OSBPL3: variants seen among roughly 807,000 people sequenced by gnomAD.
OSBPL3 encodes oxysterol binding protein like 3.
A neutral mutation model predicts 120.1 loss-of-function variants in OSBPL3; 65 were observed. That is an observed-to-expected ratio of 0.54 (90% CI 0.44 to 0.67). The LOEUF (loss-of-function observed/expected upper bound fraction) is 0.67, where lower values mean the gene tolerates loss of function less well. OSBPL3 is among the 30% of genes least tolerant of loss of function. The probability of loss-of-function intolerance (pLI) is 0.00; values close to 1 mark genes in which losing one functional copy is unlikely to be tolerated. For synonymous variants in OSBPL3, 416 were observed against 402.6 expected (o/e 1.03, Z -0.40); for missense variants, 1,004 against 1,082.1 (o/e 0.93, Z 1.01).
intron 20 of OSBPL3, among the ~76,000 whole-genome samples, chr7:24,807,121 G>A (rs1793151474): frequency 6.6e-6 from 1 of 152,176 alleles, no homozygotes; most frequent in Non-Finnish European, 1.5e-5. Context: ...GGCCTCCTAT[G>A]TGTGGTCAGA....
In OSBPL3 at chr7:24,882,760, T is replaced by C. The variant is rs77456222; in HGVS notation, c.96+9617A>G. 1.4e-4 allele frequency among the ~76,000 whole-genome samples: 22 copies of C among 152,322 alleles called. No individual in the cohort carries two copies. The East Asian group carries it at 3.9e-3, about 27-fold the overall frequency. The stretch of plus-strand genomic sequence containing the variant: ...CAACATGTTGTTGTCTTTGTATTAA[T>C]AGTCATTTGACTTATATAAGATGAT... On this transcript the variant is annotated intron_variant, in intron 2 of 22. Transcript: ENST00000313367.
chr7:24,881,334 C>T lies in OSBPL3; in HGVS notation c.97-9265G>A, dbSNP rs1803654275. Among the ~76,000 whole-genome samples, 1 of 152,110 alleles carries T rather than the reference C, an allele frequency of 6.6e-6. No homozygotes were observed. Among genetic ancestry groups the T allele is most frequent in the African/African-American group, 2.4e-5 (1 of 41,384 alleles). Reference sequence around the variant, plus strand: ...AATGTTAAGATCTCAGAGAACTTTACAAATCAAAGAAGGAATGACTTTAGT... The same window carrying T: ...AATGTTAAGATCTCAGAGAACTTTATAAATCAAAGAAGGAATGACTTTAGT... On this transcript the variant is annotated intron_variant, in intron 2 of 22. Transcript: ENST00000313367. This position sits in a 1 kb window ranked among gnomAD's most constrained non-coding sequence, Gnocchi z 4.3.
At chr7:24,975,663 C>T (rs1478535179) in intron 1 of OSBPL3, among the ~76,000 whole-genome samples, 2 of 152,070 alleles carry the variant, frequency 1.3e-5, no homozygotes, top group Non-Finnish European at 2.9e-5. Context: ...AGTTTGAATA[C>T]ATTACTAGCA....
chr7:24,979,289 C>CAA (rs34525401), intron 1 of OSBPL3, among the ~76,000 whole-genome samples: 32,922 of 147,998 alleles, frequency 0.22, 3,858 homozygotes, highest in East Asian at 0.44. Context: ...TGGAAACTAA[C>CAA]AAAAAAAAAA....
At chr7:24,924,672 C>T (rs1810823680) in intron 1 of OSBPL3, among the ~76,000 whole-genome samples, 1 of 152,208 alleles carries the variant, frequency 6.6e-6, no homozygotes, top group Admixed American at 6.5e-5. Context: ...CTTTCTGAGA[C>T]AGCCAATTCC....
Position 24,804,524 on chromosome 7 carries a change from C to T in OSBPL3, c.2445-87G>A, listed in dbSNP as rs1372879464. The T allele has an allele frequency of 2.3e-6, 3 of 1,299,026 alleles. No homozygotes were observed. The highest frequency in any genetic ancestry group is 3.2e-6 in the Non-Finnish European group (3 of 930,574). 80.5% of individuals were successfully genotyped at this position (1,299,026 alleles called of 1,614,324 possible). A position where few individuals can be genotyped will look rare whatever the true frequency, so the allele number is the denominator to read the frequency against. On this transcript the variant is annotated intron_variant, in intron 21 of 22. Coordinates refer to ENST00000313367, the MANE Select transcript of OSBPL3 (RefSeq NM_015550.4). The surrounding 1 kb of genome is among the most constrained non-coding windows in gnomAD (Gnocchi z 5.4). ...CTACTCAACTTGCATGTGTCCACGA[C>T]TGGATATTCAAAATCCTCTCCTATA...
At chr7:24,884,892 C>T (rs1389132006) in intron 2 of OSBPL3, among the ~76,000 whole-genome samples, 1 of 152,144 alleles carries the variant, frequency 6.6e-6, no homozygotes, top group Non-Finnish European at 1.5e-5. Flanking sequence ...TCCTCCTTGA[C>T]TGGACTTTCT....
chr7:24,851,109 AG>A lies in OSBPL3; in HGVS notation c.1158+1394del, dbSNP rs1272160905. 6.6e-6 allele frequency among the ~76,000 whole-genome samples: 1 copy of A among 152,190 alleles called. No individual in the cohort carries two copies. ...GCAGGGAGAGGAAGATCATGGGGAG[AG>A]GGACCTTGGAAGCCCATCAGAGATA... On this transcript the variant is annotated intron_variant, in intron 11 of 22. Coordinates refer to ENST00000313367, the MANE Select transcript of OSBPL3 (RefSeq NM_015550.4). The surrounding 1 kb of genome is among the most constrained non-coding windows in gnomAD (Gnocchi z 4.1).
At position 24,806,018 on chromosome 7, in the gene OSBPL3, G is replaced by A. The variant is rs562061436; in HGVS notation, c.2444+758C>T. 8.5e-5 allele frequency among the ~76,000 whole-genome samples: 13 copies of A among 152,306 alleles called. No individual in the cohort carries two copies. Among genetic ancestry groups the A allele is most frequent in the East Asian group, 1.9e-4 (1 of 5,184 alleles). On this transcript the variant is annotated intron_variant, in intron 21 of 22. Coordinates refer to ENST00000313367, the MANE Select transcript of OSBPL3 (RefSeq NM_015550.4). This position sits in a 1 kb window ranked among gnomAD's most constrained non-coding sequence, Gnocchi z 5.2. Reference sequence around the variant, plus strand: ...GACACTCAGGCTGGAGAGCAATGGCGTGGTCTCGGCTCACTGCAACCTCCT... The same window carrying A: ...GACACTCAGGCTGGAGAGCAATGGCATGGTCTCGGCTCACTGCAACCTCCT...
chr7:24,809,578 G>A (rs1405519262), intron 20 of OSBPL3, among the ~76,000 whole-genome samples: 6 of 152,102 alleles, frequency 3.9e-5, no homozygotes, highest in African/African-American at 1.4e-4. Flanking sequence ...TGCTTGTTCT[G>A]GGGTTAAGAA....
At chr7:24,876,926 A>G (rs982524427) in intron 2 of OSBPL3, among the ~76,000 whole-genome samples, 2 of 152,332 alleles carry the variant, frequency 1.3e-5, no homozygotes, top group African/African-American at 4.8e-5. Context: ...AGCATCTTCT[A>G]TATGTCAGAT....
rs1459034086 is a variant in OSBPL3 at position 24,896,079 on chromosome 7, C to T, written c.-149-3458G>A. On this transcript the variant is annotated intron_variant, in intron 1 of 22. Transcript: ENST00000313367. This position sits in a 1 kb window ranked among gnomAD's most constrained non-coding sequence, Gnocchi z 4.4. ...ATGCCTTAAGGATGGAGAGCTAGGA[C>T]TTGCCCCAGCTTACAGGAACAGGTT... Among the ~76,000 whole-genome samples the T allele has an allele frequency of 1.3e-5, 2 of 152,212 alleles. No homozygotes were observed. Among genetic ancestry groups the T allele is most frequent in the Non-Finnish European group, 2.9e-5 (2 of 68,038 alleles).
chr7:24,830,243 C>T lies in OSBPL3; in HGVS notation c.1884+525G>A, dbSNP rs1022549185. On this transcript the variant is annotated intron_variant, in intron 16 of 22. Transcript: ENST00000313367. The surrounding 1 kb of genome is among the most constrained non-coding windows in gnomAD (Gnocchi z 4.4). The stretch of plus-strand genomic sequence containing the variant: ...ACTCCTGTCCGGACCCCTCACCCCC[C>T]ACCCCACTGCAATATCCTAGCACCT... Among the ~76,000 whole-genome samples, 1 of 152,208 alleles carries T rather than the reference C, an allele frequency of 6.6e-6. No individual in the cohort carries two copies. The highest frequency in any genetic ancestry group is 1.5e-5 in the Non-Finnish European group (1 of 68,036).
Position 24,940,913 on chromosome 7 carries a change from G to A in OSBPL3, c.-150+38973C>T, listed in dbSNP as rs1234369605. ...CGGCTCACTGCAAGCTCTGCCTCCCGGGTTCAAGCCATTCTCCTGCCCCAG... is the reference window on the plus strand; with the variant it reads ...CGGCTCACTGCAAGCTCTGCCTCCCAGGTTCAAGCCATTCTCCTGCCCCAG... On this transcript the variant is annotated intron_variant, in intron 1 of 22. Transcript: ENST00000313367. This position sits in a 1 kb window ranked among gnomAD's most constrained non-coding sequence, Gnocchi z 4.4. Among the ~76,000 whole-genome samples the A allele has an allele frequency of 3.3e-5, 5 of 150,902 alleles. No homozygotes were observed. Among genetic ancestry groups the A allele is most frequent in the Non-Finnish European group, 4.4e-5 (3 of 67,880 alleles).
In OSBPL3 at chr7:24,827,039, G is replaced by T. The variant is rs568474582; in HGVS notation, c.1884+3729C>A. Reference sequence around the variant, plus strand: ...GAAAAGCCAAGCTGTTTCTTGCCAGGTCCTTAAGCTTGGAGATACAATTTC... The same window carrying T: ...GAAAAGCCAAGCTGTTTCTTGCCAGTTCCTTAAGCTTGGAGATACAATTTC... On this transcript the variant is annotated intron_variant, in intron 16 of 22. Transcript: ENST00000313367. The surrounding 1 kb of genome is among the most constrained non-coding windows in gnomAD (Gnocchi z 5.1). 3.3e-5 allele frequency among the ~76,000 whole-genome samples: 5 copies of T among 152,262 alleles called. No individual in the cohort carries two copies. The East Asian group carries it at 9.6e-4, about 29-fold the overall frequency.
chr7:24,811,756 G>C (rs1793827152), intron 19 of OSBPL3, among the ~76,000 whole-genome samples: 1 of 152,158 alleles, frequency 6.6e-6, no homozygotes, highest in Non-Finnish European at 1.5e-5. Context: ...TGAAGAGACT[G>C]TCCTTTCCCC....
chr7:24,888,155 A>AG (rs891918225), intron 2 of OSBPL3, among the ~76,000 whole-genome samples: 3 of 152,180 alleles, frequency 2.0e-5, no homozygotes, highest in Non-Finnish European at 4.4e-5. Context: ...AGTTCCTGGG[A>AG]GAAAAAAAGC....
At chr7:24,975,342 G>A (rs376474797) in intron 1 of OSBPL3, among the ~76,000 whole-genome samples, 1 of 152,084 alleles carries the variant, frequency 6.6e-6, no homozygotes, top group African/African-American at 2.4e-5. Context: ...CTGTTACTTC[G>A]ACATAAAATG....
In OSBPL3 at chr7:24,862,824, C is replaced by T. The variant is rs746959007; in HGVS notation, c.870+376G>A. On this transcript the variant is annotated intron_variant, in intron 9 of 22. Coordinates refer to ENST00000313367, the MANE Select transcript of OSBPL3 (RefSeq NM_015550.4). The surrounding 1 kb of genome is among the most constrained non-coding windows in gnomAD (Gnocchi z 4.4). ...GGATGACAAATCCATGGAGCATCAG[C>T]GGAAGACACAGGTCACAGCACACAG... is the stretch of plus-strand genomic sequence containing the variant. Among the ~76,000 whole-genome samples the T allele has an allele frequency of 3.3e-5, 5 of 152,004 alleles. No individual in the cohort carries two copies. Among genetic ancestry groups the T allele is most frequent in the East Asian group, 1.9e-4 (1 of 5,182 alleles).
Sources: allele counts gnomAD v4.1 joint callset (sites outside exome capture counted in the v4.1 genomes callset), GRCh38; gene constraint gnomAD v4.1.1; non-coding constraint Gnocchi (gnomAD v3.1); transcripts MANE v1.5; gene names NCBI Gene and HGNC (gene_info 2026-07-23, HGNC 2026-07-21).